The following RANBP2 variants were observed in gnomAD, a reference collection of about 807,000 sequenced individuals.
RANBP2 encodes E3 SUMO-protein ligase RanBP2.
Under a neutral mutation model 303.6 loss-of-function variants are expected in RANBP2, and 57 were observed. The observed-to-expected ratio is 0.19, with a 90% CI of 0.15 to 0.23. The LOEUF (loss-of-function observed/expected upper bound fraction) is 0.23, where lower values mean the gene tolerates loss of function less well. Among genes scored for constraint, RANBP2 ranks in the 10% least tolerant of loss-of-function variants. RANBP2 has a pLI of 1.00. For missense variants in RANBP2, 3,138 were observed against 3,780.8 expected (o/e 0.83, Z 4.46); for synonymous variants, 1,167 against 1,301.5 (o/e 0.90, Z 2.23).
downstream of RANBP2, among the ~76,000 whole-genome samples, chr2:108,789,364 G>A (rs1573896793): frequency 6.6e-6 from 1 of 152,134 alleles, no homozygotes; most frequent in African/African-American, 2.4e-5. Flanking sequence ...AGGCCGAGGC[G>A]GGTGGATCAC....
the RANBP2 span, among the ~76,000 whole-genome samples, chr2:109,725,647 G>A: frequency 7.9e-5 from 12 of 152,166 alleles, no homozygotes; most frequent in East Asian, 1.9e-4. Context: ...TCACTGTTAC[G>A]GTGCCAGAAA....
chr2:108,970,485 G>A, the RANBP2 span, among the ~76,000 whole-genome samples: 1 of 152,280 alleles, frequency 6.6e-6, no homozygotes, highest in South Asian at 2.1e-4. Flanking sequence ...AAGGAGGGCA[G>A]GACACTGAGT....
At chr2:108,996,319 C>T in the RANBP2 span, among the ~76,000 whole-genome samples, 5 of 152,156 alleles carry the variant, frequency 3.3e-5, no homozygotes, top group Admixed American at 2.0e-4. Flanking sequence ...CAGGGATGTA[C>T]GTTTAAGTCC....
the RANBP2 span, among the ~76,000 whole-genome samples, chr2:108,986,297 C>G: frequency 6.6e-6 from 1 of 152,176 alleles, no homozygotes; most frequent in Non-Finnish European, 1.5e-5. Context: ...AAAACTGAGA[C>G]TGTTTCCTCT....
chr2:108,827,701 A>G, the RANBP2 span, among the ~76,000 whole-genome samples: 283 of 152,124 alleles, frequency 1.9e-3, no homozygotes, highest in Middle Eastern at 3.4e-3. Flanking sequence ...TTGTAGTCCC[A>G]GCTACTCGGG....
At chr2:109,480,489 G>C in the RANBP2 span, among the ~76,000 whole-genome samples, 11 of 152,280 alleles carry the variant, frequency 7.2e-5, no homozygotes, top group East Asian at 2.1e-3. Flanking sequence ...TTAGTCCTGA[G>C]GGTGCCAAGG....
chr2:108,908,143 A>T, the RANBP2 span: 8 of 1,147,680 alleles, frequency 7.0e-6, no homozygotes, highest in Admixed American at 2.3e-4. Context: ...CTTGTTTTTC[A>T]GGTGTTTACT....
At chr2:109,481,767 G>A in the RANBP2 span, among the ~76,000 whole-genome samples, 2 of 152,058 alleles carry the variant, frequency 1.3e-5, no homozygotes, top group Admixed American at 6.6e-5. Flanking sequence ...GTCACTCCTC[G>A]GCCTCCCCTC....
At chr2:109,313,319 A>T in the RANBP2 span, among the ~76,000 whole-genome samples, 3 of 152,238 alleles carry the variant, frequency 2.0e-5, no homozygotes, top group African/African-American at 7.2e-5. Context: ...GGAGGCTGGC[A>T]TCTGTGTTTC....
At chr2:109,523,984 C>A in the RANBP2 span, among the ~76,000 whole-genome samples, 1 of 152,144 alleles carries the variant, frequency 6.6e-6, no homozygotes, top group Non-Finnish European at 1.5e-5. Context: ...GCATCACAGC[C>A]GCCCACCTGC....
chr2:108,809,658 C>T, the RANBP2 span, among the ~76,000 whole-genome samples: 3 of 152,044 alleles, frequency 2.0e-5, no homozygotes, highest in Non-Finnish European at 4.4e-5. Context: ...GGAAATGCTA[C>T]TGATTTTTGT....
At chr2:108,852,512 C>T in the RANBP2 span, among the ~76,000 whole-genome samples, 2 of 152,076 alleles carry the variant, frequency 1.3e-5, no homozygotes, top group African/African-American at 2.4e-5. Flanking sequence ...AAATGCCCAT[C>T]GAAGATAACC....
chr2:109,081,218 A>G, the RANBP2 span, among the ~76,000 whole-genome samples: 1 of 152,218 alleles, frequency 6.6e-6, no homozygotes. Flanking sequence ...TGCTTTTTAA[A>G]TGCAGTTACT....
the RANBP2 span, among the ~76,000 whole-genome samples, chr2:108,828,125 AAAG>A: frequency 6.6e-6 from 1 of 152,192 alleles, no homozygotes; most frequent in African/African-American, 2.4e-5. Context: ...CCATTAAAAA[AAAG>A]AAGGTGGTTC....
chr2:109,038,511 T>C, the RANBP2 span, among the ~76,000 whole-genome samples: 1 of 151,842 alleles, frequency 6.6e-6, no homozygotes, highest in Non-Finnish European at 1.5e-5. Context: ...GGTCTCTAAA[T>C]AAATAAATAT....
chr2:109,219,617 A>G, the RANBP2 span, among the ~76,000 whole-genome samples: 2 of 152,254 alleles, frequency 1.3e-5, no homozygotes, highest in South Asian at 4.1e-4. Context: ...AAAATATAAA[A>G]TTAAAGCTCA....
At chr2:109,487,651 G>A in the RANBP2 span, among the ~76,000 whole-genome samples, 2 of 152,194 alleles carry the variant, frequency 1.3e-5, no homozygotes, top group African/African-American at 4.8e-5. Context: ...ACTCTCAGCA[G>A]CTGGGCAGTG....
chr2:109,679,181 A>C, the RANBP2 span, among the ~76,000 whole-genome samples: 1 of 152,184 alleles, frequency 6.6e-6, no homozygotes. Flanking sequence ...AAATGCAAAA[A>C]ATGTGGCACT....
chr2:109,142,594 C>G, the RANBP2 span, among the ~76,000 whole-genome samples: 7 of 152,282 alleles, frequency 4.6e-5, no homozygotes, highest in East Asian at 1.4e-3. Context: ...CTAGTCCTGT[C>G]ACCAGAAGCC....
Sources: gnomAD v4.1 joint callset for allele counts (sites outside exome capture counted in the v4.1 genomes callset) on GRCh38, gnomAD v4.1.1 for gene constraint, MANE v1.5 for transcripts, NCBI Gene and HGNC (gene_info 2026-07-23, HGNC 2026-07-21) for gene names.